Variants in AFF3 observed in about 807,000 individuals in gnomAD.
AFF3 encodes the protein ALF transcription elongation factor 3.
A neutral mutation model predicts 129.7 loss-of-function variants in AFF3; 32 were observed. That is an observed-to-expected ratio of 0.25 (90% CI 0.19 to 0.33). The LOEUF is 0.33. Ranked by LOEUF, AFF3 falls within the 10% of genes least tolerant of loss-of-function variation. AFF3 has a pLI of 1.00. For missense variants in AFF3, 1,373 were observed against 1,592.0 expected, an observed-to-expected ratio of 0.86 and a Z score of 2.34; for synonymous variants, 644 against 635.4, an observed-to-expected ratio of 1.01 and a Z score of -0.20.
At chr2:99,858,416 T>C (rs1015625261) in intron 7 of AFF3, among the ~76,000 whole-genome samples, 6 of 145,962 alleles carry the variant, frequency 4.1e-5, no homozygotes, top group Non-Finnish European at 9.0e-5. Context: ...CTGGGCATGG[T>C]GGCATGCACC....
intron 7 of AFF3, among the ~76,000 whole-genome samples, chr2:99,928,036 C>T (rs562416025): frequency 4.6e-5 from 7 of 152,146 alleles, no homozygotes; most frequent in South Asian, 4.2e-4. Context: ...TGCCTGCTGC[C>T]ATCCACATAA....
intron 4 of AFF3, among the ~76,000 whole-genome samples, chr2:100,037,383 T>C (rs2105013640): frequency 7.0e-6 from 1 of 142,362 alleles, no homozygotes; most frequent in East Asian, 2.0e-4. Context: ...CATACATGTA[T>C]GGGGGGTATA....
At chr2:99,695,980 A>T (rs1676221859) in intron 11 of AFF3, among the ~76,000 whole-genome samples, 1 of 151,158 alleles carries the variant, frequency 6.6e-6, no homozygotes, top group Admixed American at 6.6e-5. Flanking sequence ...AAAACCAAAA[A>T]AAAAAAAACT....
chr2:99,781,586 C>G (rs10198310), intron 8 of AFF3, among the ~76,000 whole-genome samples: 1 of 152,172 alleles, frequency 6.6e-6, no homozygotes, highest in South Asian at 2.1e-4. Context: ...TTCTGTGCTA[C>G]AGAAGCATAA....
chr2:99,677,851 C>T (rs2104520225), intron 11 of AFF3, among the ~76,000 whole-genome samples: 1 of 152,286 alleles, frequency 6.6e-6, no homozygotes, highest in South Asian at 2.1e-4. Flanking sequence ...CAGGGTCTTG[C>T]TCTGTCATCT....
chr2:99,578,460 C>T lies in AFF3; in HGVS notation c.2794-9G>A. 6.2e-7 allele frequency: 1 copy of T among 1,608,954 alleles called. No homozygotes were observed. Among genetic ancestry groups the T allele is most frequent in the Non-Finnish European group, 8.5e-7 (1 of 1,178,000 alleles). On this transcript the variant is annotated splice_polypyrimidine_tract_variant and intron_variant, in intron 17 of 24. Coordinates refer to ENST00000672756, the MANE Select transcript of AFF3 (RefSeq NM_001386135.1). ...TTGTTGTGAGCTGCTTTCTAAACAA[C>T]AAACAACACACATCTTTGAGAAATT...
chr2:99,959,797 G>A (rs998985985), intron 7 of AFF3, among the ~76,000 whole-genome samples: 2 of 150,508 alleles, frequency 1.3e-5, no homozygotes, highest in East Asian at 2.0e-4. Context: ...AACACAGCCC[G>A]CTCTTGCTAA....
chr2:99,594,366 C>T, intron 14 of AFF3, 77 bp from the exon 15 acceptor site: 1 of 1,519,056 alleles, frequency 6.6e-7, no homozygotes, highest in Non-Finnish European at 8.8e-7. Context: ...CTGTTTTTAT[C>T]TTGACTTACT....
chr2:99,709,366 G>A (rs561344931), intron 11 of AFF3, among the ~76,000 whole-genome samples: 13 of 152,224 alleles, frequency 8.5e-5, no homozygotes, highest in East Asian at 3.9e-4. Flanking sequence ...CCAGAGAGCC[G>A]TAAGAGTATG....
chr2:99,972,438 C>T (rs1678478995), intron 7 of AFF3, among the ~76,000 whole-genome samples: 1 of 152,218 alleles, frequency 6.6e-6, no homozygotes, highest in Non-Finnish European at 1.5e-5. Context: ...TTTAGGGAAT[C>T]ATAAGGGAAG....
rs954812251 is a variant in AFF3, at chr2:100,130,183, C to T, written c.-227-877G>A. Among the ~76,000 whole-genome samples the T allele has an allele frequency of 6.6e-5, 10 of 152,164 alleles. 1 individual carries two copies. The highest frequency in any genetic ancestry group is 2.0e-4 in the Admixed American group (3 of 15,274). On this transcript the variant is annotated intron_variant, in intron 1 of 24. Transcript: ENST00000672756. ...GGAGTCTCCAAACTCAGGTAGGATG[C>T]GTGAAGTTTCCAGAAGTTCATGAAT...
At chr2:99,750,461 C>T (rs546433975) in intron 9 of AFF3, among the ~76,000 whole-genome samples, 60 of 142,426 alleles carry the variant, frequency 4.2e-4, no homozygotes, top group African/African-American at 1.4e-3. Flanking sequence ...GTCACCCAGG[C>T]GAGAGTGCAG....
chr2:99,546,698 GTCT>G lies in AFF3; in HGVS notation c.*4773_*4775del, dbSNP rs1559457115. ...GTCAAGCCACTGGTCTAATGCCTCC[GTCT>G]TCTTTAGTTCAAAATTATCTTATTT... On this transcript the variant is annotated 3_prime_UTR_variant, in exon 25 of 25. Transcript: ENST00000672756. The G allele has an allele frequency of 4.4e-6, 1 of 228,154 alleles. No homozygotes were observed. The highest frequency in any genetic ancestry group is 2.2e-5 in the African/African-American group (1 of 45,056). 14.1% of individuals were successfully genotyped at this position (228,154 alleles called of 1,614,324 possible). A position where few individuals can be genotyped will look rare whatever the true frequency, so the allele number is the denominator to read the frequency against.
At chr2:100,000,529 CACAT>C (rs1681294272) in intron 7 of AFF3, among the ~76,000 whole-genome samples, 1 of 152,054 alleles carries the variant, frequency 6.6e-6, no homozygotes, top group Non-Finnish European at 1.5e-5. Context: ...CACACACACA[CACAT>C]ACACAAACAT....
At chr2:99,884,465 C>T (rs912527630) in intron 7 of AFF3, among the ~76,000 whole-genome samples, 12 of 152,210 alleles carry the variant, frequency 7.9e-5, no homozygotes, top group Admixed American at 7.2e-4. Context: ...GTGGCATGAT[C>T]TCGGCTCACT....
intron 7 of AFF3, among the ~76,000 whole-genome samples, chr2:99,951,325 C>T (rs1676144815): frequency 6.6e-6 from 1 of 152,074 alleles, no homozygotes; most frequent in Non-Finnish European, 1.5e-5. Flanking sequence ...ATCATCCACT[C>T]GATTTTCTCT....
At chr2:99,629,605 A>G (rs1170042377) in intron 13 of AFF3, among the ~76,000 whole-genome samples, 2 of 152,192 alleles carry the variant, frequency 1.3e-5, no homozygotes, top group Non-Finnish European at 2.9e-5. Context: ...ATGGTGTCTC[A>G]GTCGGTTTGG....
intron 4 of AFF3, among the ~76,000 whole-genome samples, chr2:100,046,245 CT>C (rs1685822174): frequency 6.6e-6 from 1 of 152,162 alleles, no homozygotes; most frequent in African/African-American, 2.4e-5. Context: ...CTCTATAGTG[CT>C]CACACACAAA....
rs79772480 is a variant in AFF3 at position 99,776,922 on chromosome 2, G to T, written c.922-24621C>A. On this transcript the variant is annotated intron_variant, in intron 8 of 24. Transcript: ENST00000672756. The stretch of plus-strand genomic sequence containing the variant: ...CTACATGAGTTGATGAAGAGTTTGT[G>T]GGGGGCACTGGGCCGAGCATGTCAA... Among the ~76,000 whole-genome samples, 560 of 152,246 alleles carry T rather than the reference G, an allele frequency of 3.7e-3. 3 individuals carry two copies. Among genetic ancestry groups the T allele is most frequent in the Admixed American group, 7.2e-3 (110 of 15,292 alleles).
Sources: gnomAD v4.1 joint callset for allele counts (sites outside exome capture counted in the v4.1 genomes callset) on GRCh38, gnomAD v4.1.1 for gene constraint, MANE v1.5 for transcripts, NCBI Gene and HGNC (gene_info 2026-07-23, HGNC 2026-07-21) for gene names.